Variants in ITFG1 observed in about 807,000 individuals in gnomAD.
The protein encoded by ITFG1 is integrin alpha FG-GAP repeat containing 1, also known as T-cell immunomodulatory protein.
Under a neutral mutation model 81.8 loss-of-function variants are expected in ITFG1, and 34 were observed. The observed-to-expected ratio is 0.42, with a 90% confidence interval of 0.32 to 0.55. The LOEUF (loss-of-function observed/expected upper bound fraction) is 0.55, where lower values mean the gene tolerates loss of function less well. ITFG1 is among the 20% of genes least tolerant of loss of function. ITFG1 has a pLI of 0.17. For synonymous variants in ITFG1, 285 were observed against 270.6 expected (o/e 1.05, Z -0.52); for missense variants, 672 against 755.4 (o/e 0.89, Z 1.29).
At chr16:47,285,021 T>G (rs575426262) in intron 10 of ITFG1, among the ~76,000 whole-genome samples, 1 of 152,216 alleles carries the variant, frequency 6.6e-6, no homozygotes, top group Non-Finnish European at 1.5e-5. Flanking sequence ...ATGGTGGTAT[T>G]ATACATATTA....
intron 8 of ITFG1, among the ~76,000 whole-genome samples, chr16:47,345,413 GCC>G (rs2151578979): frequency 6.6e-6 from 1 of 151,756 alleles, no homozygotes; most frequent in South Asian, 2.1e-4. Context: ...CAACTCTCCT[GCC>G]TCAGCCTCCT....
chr16:47,369,952 C>T (rs1968229720), intron 7 of ITFG1, among the ~76,000 whole-genome samples: 1 of 145,798 alleles, frequency 6.9e-6, no homozygotes, highest in African/African-American at 2.5e-5. Context: ...CATTCTCCTG[C>T]TTCAGCCTCC....
chr16:47,287,197 C>T (rs543762270), intron 10 of ITFG1, among the ~76,000 whole-genome samples: 3 of 152,194 alleles, frequency 2.0e-5, no homozygotes, highest in South Asian at 4.1e-4. Context: ...TCCAGAATAA[C>T]GTTGTGTTAA....
chr16:47,376,045 A>G, intron 6 of ITFG1, 105 bp from the exon 7 acceptor site: 1 of 598,142 alleles, frequency 1.7e-6, no homozygotes, highest in Non-Finnish European at 3.0e-6. Flanking sequence ...ACACAATTCT[A>G]CTTAAACATA....
chr16:47,441,375 A>G (rs143852383), intron 5 of ITFG1, among the ~76,000 whole-genome samples: 43 of 152,338 alleles, frequency 2.8e-4, no homozygotes, highest in African/African-American at 9.6e-4. Context: ...AGACACTACA[A>G]AAAAAGAGAA....
At chr16:47,454,580 T>A (rs1969428947) in intron 2 of ITFG1, among the ~76,000 whole-genome samples, 1 of 152,174 alleles carries the variant, frequency 6.6e-6, no homozygotes, top group Non-Finnish European at 1.5e-5. Flanking sequence ...ATATTTAGTT[T>A]GGATTTTAAC....
intron 14 of ITFG1, among the ~76,000 whole-genome samples, chr16:47,181,209 G>C (rs569147456): frequency 9.6e-4 from 145 of 150,876 alleles, no homozygotes; most frequent in African/African-American, 2.9e-3. Flanking sequence ...GAAGTGAGGA[G>C]ACCCTCTGCC....
chr16:47,319,225 CAA>C lies in ITFG1; in HGVS notation c.803-5404_803-5403del, dbSNP rs527718447. ...TGTTGCTATCACTACAATCTCATCA[CAA>C]AAGTCTTTAGATGTTGGGAAGCTGT... On this transcript the variant is annotated intron_variant, in intron 8 of 17. Coordinates refer to ENST00000320640, the MANE Select transcript of ITFG1 (RefSeq NM_030790.5). Among the ~76,000 whole-genome samples, 574 of 152,260 alleles carry C rather than the reference CAA, an allele frequency of 3.8e-3. 6 individuals carry two copies. The highest frequency in any genetic ancestry group is 5.8e-3 in the Non-Finnish European group (394 of 68,014).
chr16:47,448,102 G>A (rs1309888005), intron 5 of ITFG1: 1 of 152,020 alleles, frequency 6.6e-6, no homozygotes, highest in Non-Finnish European at 1.5e-5. Flanking sequence ...GCTGCCTTGA[G>A]TATTATTTGG....
At chr16:47,422,922 T>C (rs1325727917) in intron 6 of ITFG1, among the ~76,000 whole-genome samples, 1 of 152,216 alleles carries the variant, frequency 6.6e-6, no homozygotes, top group African/African-American at 2.4e-5. Context: ...TGGACAGTTC[T>C]GTAGATGTCT....
chr16:47,389,860 T>G (rs1596951608), intron 6 of ITFG1, among the ~76,000 whole-genome samples: 1 of 152,270 alleles, frequency 6.6e-6, no homozygotes, highest in African/African-American at 2.4e-5. Flanking sequence ...AAGAAAGCAG[T>G]AACGTAGGAG....
intron 13 of ITFG1, among the ~76,000 whole-genome samples, 155 bp from the exon 14 acceptor site, chr16:47,219,101 TC>T (rs1333684818): frequency 6.6e-6 from 1 of 152,122 alleles, no homozygotes; most frequent in Non-Finnish European, 1.5e-5. Flanking sequence ...ACCTGTTGTT[TC>T]CTAGGATCTT....
intron 6 of ITFG1, among the ~76,000 whole-genome samples, chr16:47,389,246 T>TA (rs2151595146): frequency 6.6e-6 from 1 of 152,122 alleles, no homozygotes; most frequent in Admixed American, 6.5e-5. Context: ...TAGGAAAAAA[T>TA]GGTGCAATTA....
intron 8 of ITFG1, among the ~76,000 whole-genome samples, chr16:47,332,454 T>C (rs1368356159): frequency 6.6e-6 from 1 of 152,206 alleles, no homozygotes; most frequent in African/African-American, 2.4e-5. Flanking sequence ...GTTCTAACTA[T>C]TAACAAGCGT....
chr16:47,204,739 A>G (rs1965471321), intron 14 of ITFG1, among the ~76,000 whole-genome samples: 1 of 152,190 alleles, frequency 6.6e-6, no homozygotes, highest in Non-Finnish European at 1.5e-5. Flanking sequence ...CTGCAGCAGG[A>G]TGCACCATGG....
chr16:47,245,042 C>T (rs938294504), intron 12 of ITFG1, among the ~76,000 whole-genome samples: 1 of 152,138 alleles, frequency 6.6e-6, no homozygotes. Flanking sequence ...CACATACATA[C>T]TTCCTTTTAA....
At chr16:47,407,043 C>T (rs1306635967) in intron 6 of ITFG1, among the ~76,000 whole-genome samples, 1 of 151,948 alleles carries the variant, frequency 6.6e-6, no homozygotes, top group Non-Finnish European at 1.5e-5. Flanking sequence ...AATGGTGGGC[C>T]GAGTAAGTGT....
At chr16:47,220,646 A>G (rs1431652514) in intron 13 of ITFG1, among the ~76,000 whole-genome samples, 3 of 152,232 alleles carry the variant, frequency 2.0e-5, no homozygotes, top group Admixed American at 2.0e-4. Context: ...ATACAATAAA[A>G]TGTGTTAACA....
chr16:47,317,658 T>C (rs1001453764), intron 8 of ITFG1: 3 of 152,334 alleles, frequency 2.0e-5, no homozygotes, highest in East Asian at 3.9e-4. Context: ...CAGCACCTTG[T>C]ATGTTCGTAA....
Sources: gnomAD v4.1 joint callset for allele counts (sites outside exome capture counted in the v4.1 genomes callset) on GRCh38, gnomAD v4.1.1 for gene constraint, MANE v1.5 for transcripts, NCBI Gene and HGNC (gene_info 2026-07-23, HGNC 2026-07-21) for gene names.